Variants in SPAG16 observed in about 807,000 individuals in gnomAD.
The protein encoded by SPAG16 is sperm-associated antigen 16 protein.
A neutral mutation model predicts 80.4 loss-of-function variants in SPAG16; 86 were observed. The observed-to-expected ratio is 1.07, with a 90% CI of 0.90 to 1.28. The LOEUF (loss-of-function observed/expected upper bound fraction) is 1.28, where lower values mean the gene tolerates loss of function less well. Among genes scored for constraint, SPAG16 ranks in the 50% most tolerant of loss-of-function variants. The pLI is 0.00. For synonymous variants in SPAG16, 294 were observed against 265.9 expected, an observed-to-expected ratio of 1.11 and a Z score of -1.03; for missense variants, 870 against 765.3, an observed-to-expected ratio of 1.14 and a Z score of -1.61.
intron 15 of SPAG16, among the ~76,000 whole-genome samples, chr2:214,328,789 T>C (rs1383435556): frequency 6.6e-6 from 1 of 152,224 alleles, no homozygotes; most frequent in Admixed American, 6.5e-5. Context: ...CTCTTCTAAC[T>C]TCTTCATGAA....
chr2:213,918,026 T>A (rs924445352), intron 11 of SPAG16, among the ~76,000 whole-genome samples: 4 of 152,184 alleles, frequency 2.6e-5, no homozygotes, highest in Admixed American at 6.5e-5. Flanking sequence ...ATTGAGATAA[T>A]CATCTGGTTT....
intron 11 of SPAG16, among the ~76,000 whole-genome samples, chr2:213,873,416 G>A (rs1199301129): frequency 6.6e-6 from 1 of 151,482 alleles, no homozygotes; most frequent in African/African-American, 2.4e-5. Context: ...GCTCAGTAGA[G>A]CTAAAGTCAA....
intron 6 of SPAG16, among the ~76,000 whole-genome samples, chr2:213,349,190 T>C (rs1417992253): frequency 6.6e-6 from 1 of 152,214 alleles, no homozygotes; most frequent in Non-Finnish European, 1.5e-5. Flanking sequence ...ATGCAGCCAA[T>C]GCGGCTTAAA....
At chr2:214,108,366 A>C in intron 14 of SPAG16, 105 bp downstream of exon 14, 1 of 877,150 alleles carries the variant, frequency 1.1e-6, no homozygotes, top group Non-Finnish European at 1.8e-6. Context: ...TGAGGTGAGA[A>C]GAACAACTTT....
intron 10 of SPAG16, among the ~76,000 whole-genome samples, chr2:213,768,629 A>G (rs906064802): frequency 5.9e-5 from 9 of 152,204 alleles, no homozygotes; most frequent in Non-Finnish European, 1.3e-4. Context: ...CAAAGGGAAA[A>G]TAATAGGTCT....
rs191684423 is a variant in SPAG16 at position 213,456,291 on chromosome 2, C to G, written c.943-33672C>G. On this transcript the variant is annotated intron_variant, in intron 9 of 15. Transcript: ENST00000331683. ...TTCAAATGCTCCCAAAAGTCTTTAT[C>G]TTTCACTTCATTTTTGATTTACAAA... is the stretch of plus-strand genomic sequence containing the variant. Among the ~76,000 whole-genome samples the G allele has an allele frequency of 1.4e-3, 216 of 152,184 alleles. 1 individual carries two copies. Among genetic ancestry groups the G allele is most frequent in the Non-Finnish European group, 2.5e-4 (17 of 67,998 alleles).
intron 15 of SPAG16, among the ~76,000 whole-genome samples, chr2:214,302,391 TG>T (rs1694617611): frequency 6.6e-6 from 1 of 152,226 alleles, no homozygotes; most frequent in South Asian, 2.1e-4. Context: ...GTGCTGTCAA[TG>T]GGGTGTCAAA....
At chr2:213,347,591 G>C (rs2065071171) in intron 6 of SPAG16, among the ~76,000 whole-genome samples, 1 of 152,132 alleles carries the variant, frequency 6.6e-6, no homozygotes, top group South Asian at 2.1e-4. Context: ...TTGTATCTTT[G>C]TTCTCATTGG....
intron 15 of SPAG16, among the ~76,000 whole-genome samples, chr2:214,211,295 A>G (rs1180771594): frequency 6.6e-6 from 1 of 152,162 alleles, no homozygotes; most frequent in Admixed American, 6.6e-5. Flanking sequence ...AATGTGTTTC[A>G]TTTTTAGTGT....
chr2:213,939,820 T>C (rs533233965), intron 12 of SPAG16, among the ~76,000 whole-genome samples: 2 of 152,148 alleles, frequency 1.3e-5, no homozygotes, highest in Non-Finnish European at 2.9e-5. Flanking sequence ...CAATAACAAA[T>C]AGAGATAATA....
intron 15 of SPAG16, among the ~76,000 whole-genome samples, chr2:214,172,665 G>T (rs546070953): frequency 6.6e-6 from 1 of 152,034 alleles, no homozygotes; most frequent in Non-Finnish European, 1.5e-5. Flanking sequence ...AGATCCCTGA[G>T]GAATCGCCAC....
intron 15 of SPAG16, among the ~76,000 whole-genome samples, chr2:214,267,489 A>G (rs1691661350): frequency 6.6e-6 from 1 of 151,854 alleles, no homozygotes; most frequent in Non-Finnish European, 1.5e-5. Context: ...TTGTATAAGA[A>G]TCAACTCAAA....
chr2:213,407,352 C>T (rs894892870), intron 9 of SPAG16, among the ~76,000 whole-genome samples: 17 of 151,904 alleles, frequency 1.1e-4, no homozygotes, highest in South Asian at 2.1e-4. Flanking sequence ...CAAGGCAAGA[C>T]GCCCCCTGGT....
chr2:213,384,583 G>T (rs927056159), intron 9 of SPAG16, among the ~76,000 whole-genome samples: 1 of 152,092 alleles, frequency 6.6e-6, no homozygotes, highest in African/African-American at 2.4e-5. Context: ...GTAGTGTATT[G>T]TTACCTAAGC....
intron 10 of SPAG16, among the ~76,000 whole-genome samples, chr2:213,800,788 T>C (rs1051946215): frequency 6.6e-6 from 1 of 152,178 alleles, no homozygotes; most frequent in African/African-American, 2.4e-5. Context: ...AAACATAACG[T>C]CCCAATTCTG....
intron 13 of SPAG16, among the ~76,000 whole-genome samples, chr2:214,026,072 A>C (rs1165310921): frequency 6.6e-6 from 1 of 151,558 alleles, no homozygotes; most frequent in Non-Finnish European, 1.5e-5. Context: ...AGATTAAAGC[A>C]TAATTTAACA....
At chr2:214,022,910 G>A (rs2047949354) in intron 13 of SPAG16, among the ~76,000 whole-genome samples, 1 of 151,748 alleles carries the variant, frequency 6.6e-6, no homozygotes, top group African/African-American at 2.4e-5. Flanking sequence ...CCAAGTTATT[G>A]CCAAATTCTA....
intron 3 of SPAG16, 93 bp from the exon 4 acceptor site, chr2:213,309,966 T>C: frequency 1.3e-6 from 1 of 742,770 alleles, no homozygotes; most frequent in Non-Finnish European, 2.2e-6. Flanking sequence ...TGAAAAAAAA[T>C]GAATGGATGA....
chr2:214,351,423 C>T lies in SPAG16; in HGVS notation c.1721-58717C>T, dbSNP rs574940643. Reference sequence around the variant, plus strand: ...GTGTGTAAAATACTTAAACATTGGCCGGGCGCTGTGGCTCATGCCTGTAAT... The same window carrying T: ...GTGTGTAAAATACTTAAACATTGGCTGGGCGCTGTGGCTCATGCCTGTAAT... On this transcript the variant is annotated intron_variant, in intron 15 of 15. Coordinates refer to ENST00000331683, the MANE Select transcript of SPAG16 (RefSeq NM_024532.5). 7.2e-5 allele frequency among the ~76,000 whole-genome samples: 11 copies of T among 152,038 alleles called. No individual in the cohort carries two copies. In the East Asian group the frequency reaches 1.4e-3, roughly 19 times the overall value.
Sources: gnomAD v4.1 joint callset for allele counts (sites outside exome capture counted in the v4.1 genomes callset) on GRCh38, gnomAD v4.1.1 for gene constraint, MANE v1.5 for transcripts, NCBI Gene and HGNC (gene_info 2026-07-23, HGNC 2026-07-21) for gene names.